Variants in TXNL1 observed in about 807,000 individuals in gnomAD.
The protein encoded by TXNL1 is thioredoxin like 1, also known as thioredoxin-like protein 1.
Under a neutral mutation model 35.5 loss-of-function variants are expected in TXNL1, and 14 were observed. The observed-to-expected ratio is 0.39, with a 90% CI of 0.26 to 0.62. The LOEUF is 0.62. Ranked by LOEUF, TXNL1 falls within the 20% of genes least tolerant of loss-of-function variation. The pLI is 0.47. For synonymous variants in TXNL1, 110 were observed against 115.5 expected (o/e 0.95, Z 0.31); for missense variants, 263 against 349.7 (o/e 0.75, Z 1.98).
chr18:56,632,463 G>A lies in TXNL1; in HGVS notation c.98+5880C>T, dbSNP rs972583369. On this transcript the variant is annotated intron_variant, in intron 1 of 7. Transcript: ENST00000217515. Reference sequence around the variant, plus strand: ...CACAAACTCATGTCACCTCATTTAAGCTTTATGACTCTAAAAAACAACAAA... The same window carrying A: ...CACAAACTCATGTCACCTCATTTAAACTTTATGACTCTAAAAAACAACAAA... Among the ~76,000 whole-genome samples the A allele has an allele frequency of 3.3e-5, 5 of 151,930 alleles. No individual in the cohort carries two copies. The East Asian group carries it at 7.7e-4, about 24-fold the overall frequency.
intron 6 of TXNL1, among the ~76,000 whole-genome samples, chr18:56,612,783 T>C (rs528720365): frequency 9.2e-5 from 14 of 152,372 alleles, no homozygotes; most frequent in African/African-American, 2.9e-4. Context: ...AAGAAAATAT[T>C]TGATAATGAG....
intron 1 of TXNL1, among the ~76,000 whole-genome samples, chr18:56,629,196 A>G (rs566651394): frequency 6.6e-6 from 1 of 152,332 alleles, no homozygotes; most frequent in South Asian, 2.1e-4. Flanking sequence ...AAGTTAGAAA[A>G]CAACTTAAAT....
At position 56,602,944 on chromosome 18, in the gene TXNL1, T is replaced by A. The variant is rs948926449; in HGVS notation, c.*83A>T. The A allele has an allele frequency of 7.1e-6, 10 of 1,398,694 alleles. No individual in the cohort carries two copies. Among genetic ancestry groups the A allele is most frequent in the Non-Finnish European group, 9.1e-6 (9 of 986,070 alleles). 86.6% of individuals were successfully genotyped at this position (1,398,694 alleles called of 1,614,324 possible). ...ATTGGTAATGGCAATGAATGAAACA[T>A]TGACAGTCTCTGGCGAGAATCAAGC... On this transcript the variant is annotated 3_prime_UTR_variant, in exon 8 of 8. Transcript: ENST00000217515.
At chr18:56,634,663 C>A (rs1244008296) in intron 1 of TXNL1, among the ~76,000 whole-genome samples, 1 of 152,100 alleles carries the variant, frequency 6.6e-6, no homozygotes, top group Non-Finnish European at 1.5e-5. Context: ...AAAATTAACT[C>A]AAAATGGATC....
intron 1 of TXNL1, among the ~76,000 whole-genome samples, chr18:56,635,778 A>C (rs1444908752): frequency 6.6e-6 from 1 of 152,178 alleles, no homozygotes; most frequent in Non-Finnish European, 1.5e-5. Flanking sequence ...CTGGGGGATT[A>C]GTTTCAGGAC....
rs575016192 is a variant in TXNL1, at chr18:56,600,876, A to G, written c.*2151T>C. Reference sequence around the variant, plus strand: ...ACTGCAATACCTGACTTTCGTTTCTATTATGAACACGATATTTCACTGTTG... The same window carrying G: ...ACTGCAATACCTGACTTTCGTTTCTGTTATGAACACGATATTTCACTGTTG... On this transcript the variant is annotated 3_prime_UTR_variant, in exon 8 of 8. Transcript: ENST00000217515. 1 of 152,366 alleles carries G rather than the reference A, an allele frequency of 6.6e-6. No individual in the cohort carries two copies. The highest frequency in any genetic ancestry group is 1.5e-5 in the Non-Finnish European group (1 of 68,036). The allele number at this position is 152,366 out of a possible 1,614,324, so 9.4% of individuals were successfully genotyped here.
chr18:56,636,455 C>T (rs892654521), intron 1 of TXNL1, among the ~76,000 whole-genome samples: 1 of 151,814 alleles, frequency 6.6e-6, no homozygotes, highest in Non-Finnish European at 1.5e-5. Flanking sequence ...CCAATAAGTT[C>T]GAGGAATATT....
chr18:56,601,229 G>A lies in TXNL1; in HGVS notation c.*1798C>T, dbSNP rs1191284538. The A allele has an allele frequency of 6.6e-6, 1 of 152,124 alleles. No individual in the cohort carries two copies. The highest frequency in any genetic ancestry group is 1.5e-5 in the Non-Finnish European group (1 of 68,024). 9.4% of individuals were successfully genotyped at this position (152,124 alleles called of 1,614,324 possible). On this transcript the variant is annotated 3_prime_UTR_variant, in exon 8 of 8. Transcript: ENST00000217515. The stretch of plus-strand genomic sequence containing the variant: ...ATTTCCCATTAAGTGAAACGTTATA[G>A]TTACCTATAAACGTTCATTTTTCAC...
At position 56,611,043 on chromosome 18, in the gene TXNL1, T is replaced by C. The variant is rs759890628; in HGVS notation, c.790A>G (p.Thr264Ala). 2.5e-6 allele frequency: 4 copies of C among 1,608,798 alleles called. No individual in the cohort carries two copies. The highest frequency in any genetic ancestry group is 1.7e-6 in the Non-Finnish European group (2 of 1,178,378). The change falls in exon 7 of 8, where the codon ACT becomes GCT. Residue 264 changes from threonine to alanine, a missense_variant. Coordinates refer to ENST00000217515, the MANE Select transcript of TXNL1 (RefSeq NM_004786.3). ...EEETTRISYF[T>A]FIGTPVQATN... ...GCCTGGACTGGAGTACCAATAAAAG[T>C]AAAATATGAAATTCTTGTTGTTTCC...
intron 5 of TXNL1, among the ~76,000 whole-genome samples, chr18:56,615,278 C>T (rs1482440188): frequency 1.3e-5 from 2 of 150,176 alleles, no homozygotes; most frequent in African/African-American, 4.9e-5. Flanking sequence ...TTTGTAATTT[C>T]AGAGTAAAAG....
At chr18:56,607,899 TG>T (rs1353096742) in intron 7 of TXNL1, among the ~76,000 whole-genome samples, 1 of 152,102 alleles carries the variant, frequency 6.6e-6, no homozygotes, top group Non-Finnish European at 1.5e-5. Context: ...GTGAAAATAT[TG>T]TAAGTCAAAA....
intron 3 of TXNL1, 72 bp downstream of exon 3, chr18:56,624,216 T>TC: frequency 7.0e-7 from 1 of 1,438,274 alleles, no homozygotes; most frequent in Non-Finnish European, 9.4e-7. Flanking sequence ...AACATAGTTA[T>TC]ATTTCATTTT....
At chr18:56,611,439 T>C (rs1267426484) in intron 6 of TXNL1, among the ~76,000 whole-genome samples, 1 of 149,726 alleles carries the variant, frequency 6.7e-6, no homozygotes, top group Non-Finnish European at 1.5e-5. Context: ...GAGGTGGAGG[T>C]TGCAGTGAGC....
chr18:56,606,703 C>G (rs1257056078), intron 7 of TXNL1, among the ~76,000 whole-genome samples: 3 of 152,178 alleles, frequency 2.0e-5, no homozygotes, highest in Admixed American at 1.3e-4. Flanking sequence ...ACAAAGAAAC[C>G]CTTGAACTAA....
At chr18:56,636,950 A>C (rs1598927562) in intron 1 of TXNL1, among the ~76,000 whole-genome samples, 1 of 152,162 alleles carries the variant, frequency 6.6e-6, no homozygotes, top group East Asian at 1.9e-4. Context: ...GACATCACAA[A>C]ATTGCTAAAA....
chr18:56,629,593 TA>T (rs1191791520), intron 1 of TXNL1, among the ~76,000 whole-genome samples: 1 of 152,120 alleles, frequency 6.6e-6, no homozygotes, highest in Non-Finnish European at 1.5e-5. Flanking sequence ...TATAAATGCA[TA>T]GGGGGTAAAA....
At chr18:56,621,794 G>C (rs547910144) in intron 3 of TXNL1, among the ~76,000 whole-genome samples, 10 of 152,016 alleles carry the variant, frequency 6.6e-5, no homozygotes, top group Non-Finnish European at 1.3e-4. Context: ...GAGGTCAGGA[G>C]TTTGAGACCA....
chr18:56,633,216 G>A (rs897793639), intron 1 of TXNL1, among the ~76,000 whole-genome samples: 1 of 152,122 alleles, frequency 6.6e-6, no homozygotes, highest in Admixed American at 6.5e-5. Flanking sequence ...GGGAGGCCGA[G>A]GCGGACGGAT....
At chr18:56,609,687 A>G (rs1160105141) in intron 7 of TXNL1, 1 of 152,240 alleles carries the variant, frequency 6.6e-6, no homozygotes, top group East Asian at 1.9e-4. Context: ...CTAATTCAAA[A>G]AGGTAAAGCA....
Sources: allele counts gnomAD v4.1 joint callset (sites outside exome capture counted in the v4.1 genomes callset), GRCh38; gene constraint gnomAD v4.1.1; transcripts MANE v1.5; gene names NCBI Gene and HGNC (gene_info 2026-07-23, HGNC 2026-07-21).